The following TEX36 variants were observed in gnomAD, a reference collection of about 807,000 sequenced individuals.
The protein encoded by TEX36 is testis-expressed protein 36.
In TEX36, 12 loss-of-function variants were observed where a neutral mutation model predicts 13.6. The ratio of observed to expected loss-of-function variants is 0.88; its 90% CI spans 0.56 to 1.43. The LOEUF (loss-of-function observed/expected upper bound fraction) is 1.43. Ranked by LOEUF, TEX36 falls within the 40% of genes most tolerant of loss-of-function variation. The pLI, the probability that TEX36 is intolerant of heterozygous loss-of-function variation, is 0.00. For synonymous variants in TEX36, 93 were observed against 83.0 expected, an observed-to-expected ratio of 1.12 and a Z score of -0.65; for missense variants, 224 against 228.3, an observed-to-expected ratio of 0.98 and a Z score of 0.12.
chr10:125,677,065 A>G (rs910671622), intron 1 of TEX36, among the ~76,000 whole-genome samples: 1 of 152,188 alleles, frequency 6.6e-6, no homozygotes, highest in African/African-American at 2.4e-5. Context: ...TGAGAAACCT[A>G]TTGTTAGTCT....
At chr10:125,669,275 G>C (rs1200744672) in intron 1 of TEX36, among the ~76,000 whole-genome samples, 1 of 151,850 alleles carries the variant, frequency 6.6e-6, no homozygotes, top group Admixed American at 6.6e-5. Flanking sequence ...TGGAAACAGA[G>C]TGAGACTCCA....
Position 125,595,644 on chromosome 10 carries a change from G to C in TEX36, c.265-18770C>G, listed in dbSNP as rs561800798. On this transcript the variant is annotated intron_variant, in intron 3 of 3. Coordinates refer to the TEX36 transcript ENST00000532135. ...CCCCTTCCAGCTCCCCAAGCAGGCTGAGCACTCCTGCCTCAGGGCCTTTGC... is the reference window on the plus strand; with the variant it reads ...CCCCTTCCAGCTCCCCAAGCAGGCTCAGCACTCCTGCCTCAGGGCCTTTGC... Among the ~76,000 whole-genome samples the C allele has an allele frequency of 6.4e-4, 97 of 152,232 alleles. No individual in the cohort carries two copies. In the South Asian group the frequency reaches 0.018, roughly 29 times the overall value.
intron 3 of TEX36, among the ~76,000 whole-genome samples, chr10:125,590,424 C>A (rs1846008552): frequency 6.6e-6 from 1 of 152,050 alleles, no homozygotes; most frequent in African/African-American, 2.4e-5. Context: ...CCCTCCTTCT[C>A]TTTTATTTTA....
chr10:125,654,270 A>G (rs1172096873), downstream of TEX36, among the ~76,000 whole-genome samples: 2 of 152,182 alleles, frequency 1.3e-5, no homozygotes, highest in Non-Finnish European at 2.9e-5. Flanking sequence ...TTTCTCATGC[A>G]TCTGCCAAAA....
intron 3 of TEX36, among the ~76,000 whole-genome samples, chr10:125,607,622 T>G (rs1846231400): frequency 6.6e-6 from 1 of 152,042 alleles, no homozygotes. Context: ...TGCCATAGCG[T>G]CTCAGAACAC....
chr10:125,650,567 C>T (rs1056377073), intron 3 of TEX36, among the ~76,000 whole-genome samples: 1 of 152,060 alleles, frequency 6.6e-6, no homozygotes, highest in African/African-American at 2.4e-5. Context: ...AATCGATACC[C>T]TAACATCATA....
chr10:125,633,768 G>A (rs1339053814), intron 3 of TEX36, among the ~76,000 whole-genome samples: 4 of 152,180 alleles, frequency 2.6e-5, no homozygotes, highest in African/African-American at 7.2e-5. Context: ...AAGCCCCATC[G>A]ACATCAGGGA....
chr10:125,587,721 G>C (rs1403385208), intron 3 of TEX36, among the ~76,000 whole-genome samples: 2 of 150,810 alleles, frequency 1.3e-5, no homozygotes. Context: ...GGGAGGTAGA[G>C]GTTGCAGTGA....
chr10:125,593,717 T>A (rs1415597881), intron 3 of TEX36, among the ~76,000 whole-genome samples: 1 of 152,110 alleles, frequency 6.6e-6, no homozygotes, highest in African/African-American at 2.4e-5. Flanking sequence ...GGCAAATTCA[T>A]ACAGACAGAA....
At chr10:125,645,625 C>T (rs1374956132) in intron 3 of TEX36, among the ~76,000 whole-genome samples, 2 of 151,986 alleles carry the variant, frequency 1.3e-5, no homozygotes, top group Non-Finnish European at 1.5e-5. Context: ...ATTATTATTC[C>T]AGATATCCTA....
intron 3 of TEX36, among the ~76,000 whole-genome samples, chr10:125,601,279 A>C (rs1359196490): frequency 6.6e-6 from 1 of 152,290 alleles, no homozygotes; most frequent in Non-Finnish European, 1.5e-5. Flanking sequence ...ATAGTATTAA[A>C]GAAACTATAA....
intron 3 of TEX36, among the ~76,000 whole-genome samples, chr10:125,636,752 C>A (rs931801040): frequency 2.6e-5 from 4 of 152,162 alleles, no homozygotes; most frequent in African/African-American, 7.2e-5. Flanking sequence ...CAGTTCCCTG[C>A]CGCTGTACTT....
chr10:125,638,830 C>T (rs770335711), intron 3 of TEX36, among the ~76,000 whole-genome samples: 30 of 152,226 alleles, frequency 2.0e-4, no homozygotes, highest in Non-Finnish European at 2.8e-4. Flanking sequence ...TGAAGCCTAA[C>T]GTCACACATC....
At chr10:125,678,802 G>C (rs1847349559) in intron 1 of TEX36, among the ~76,000 whole-genome samples, 1 of 152,050 alleles carries the variant, frequency 6.6e-6, no homozygotes, top group Non-Finnish European at 1.5e-5. Context: ...AGATGGGTTG[G>C]GCAAGCTCAA....
chr10:125,591,802 C>A (rs1846024379), intron 3 of TEX36, among the ~76,000 whole-genome samples: 1 of 152,140 alleles, frequency 6.6e-6, no homozygotes, highest in Non-Finnish European at 1.5e-5. Context: ...GTTTACTCTG[C>A]TCTCGTCAAC....
At chr10:125,635,354 T>C (rs987202364) in intron 3 of TEX36, among the ~76,000 whole-genome samples, 3 of 152,148 alleles carry the variant, frequency 2.0e-5, no homozygotes, top group Non-Finnish European at 4.4e-5. Flanking sequence ...ACAAGGAAGG[T>C]CCTATCATTA....
intron 3 of TEX36, among the ~76,000 whole-genome samples, chr10:125,583,899 G>T (rs960275910): frequency 6.6e-6 from 1 of 152,012 alleles, no homozygotes; most frequent in Non-Finnish European, 1.5e-5. Context: ...TGACTTTACC[G>T]CTTCTCCCAC....
chr10:125,682,888 A>G (rs958961891), intron 1 of TEX36, 51 bp downstream of exon 1: 1 of 1,545,536 alleles, frequency 6.5e-7, no homozygotes, highest in Non-Finnish European at 8.8e-7. Flanking sequence ...CAGACTGTTG[A>G]CCACACCCAC....
At chr10:125,680,035 C>G (rs1847370795) in intron 1 of TEX36, among the ~76,000 whole-genome samples, 1 of 152,234 alleles carries the variant, frequency 6.6e-6, no homozygotes, top group South Asian at 2.1e-4. Context: ...ACCTTGCTTT[C>G]CTCTCTTAAT....
Sources: gnomAD v4.1 joint callset for allele counts (sites outside exome capture counted in the v4.1 genomes callset) on GRCh38, gnomAD v4.1.1 for gene constraint, MANE v1.5 for transcripts, NCBI Gene and HGNC (gene_info 2026-07-23, HGNC 2026-07-21) for gene names.